Variants in MACROD2 observed in about 807,000 individuals in gnomAD.
MACROD2 encodes mono-ADP ribosylhydrolase 2, also known as ADP-ribose glycohydrolase MACROD2.
A neutral mutation model predicts 70.4 loss-of-function variants in MACROD2; 36 were observed. The observed-to-expected ratio is 0.51, with a 90% CI of 0.39 to 0.68. The LOEUF (loss-of-function observed/expected upper bound fraction) is 0.68, where lower values mean the gene tolerates loss of function less well. Among genes scored for constraint, MACROD2 ranks in the 30% least tolerant of loss-of-function variants. The probability of loss-of-function intolerance (pLI) is 0.00; values close to 1 mark genes in which losing one functional copy is unlikely to be tolerated. For missense variants in MACROD2, 496 were observed against 538.4 expected (o/e 0.92, Z 0.78); for synonymous variants, 172 against 178.8 (o/e 0.96, Z 0.30).
At chr20:14,200,361 T>TCTGATA (rs2081469082) in intron 3 of MACROD2, among the ~76,000 whole-genome samples, 2 of 151,944 alleles carry the variant, frequency 1.3e-5, no homozygotes, top group Admixed American at 1.3e-4. Context: ...CAACACACAC[T>TCTGATA]GGGGCCTATC....
chr20:14,873,495 A>G (rs918782968), intron 5 of MACROD2, among the ~76,000 whole-genome samples: 4 of 152,180 alleles, frequency 2.6e-5, no homozygotes, highest in South Asian at 4.1e-4. Flanking sequence ...GGAATGCTCC[A>G]GACTCAGATG....
At chr20:15,213,865 C>T (rs1429844790) in intron 5 of MACROD2, among the ~76,000 whole-genome samples, 1 of 151,972 alleles carries the variant, frequency 6.6e-6, no homozygotes, top group Admixed American at 6.6e-5. Flanking sequence ...CTCTTTCTAT[C>T]ACAAGAGAAT....
At chr20:14,891,472 G>A (rs1014070427) in intron 5 of MACROD2, among the ~76,000 whole-genome samples, 10 of 152,118 alleles carry the variant, frequency 6.6e-5, no homozygotes, top group African/African-American at 2.4e-4. Flanking sequence ...TCCCTAACAA[G>A]ATAATAAATT....
Position 16,007,794 on chromosome 20 carries a change from A to G in MACROD2, c.1153+20636A>G, listed in dbSNP as rs561551145. ...TTCCACCCTACCCTTTTCCCCTCTG[A>G]GCTGCTCTGAGGGGCTGTGGCTAAC... On this transcript the variant is annotated intron_variant, in intron 15 of 17. Coordinates refer to ENST00000684519, the MANE Select transcript of MACROD2 (RefSeq NM_001351661.2). Among the ~76,000 whole-genome samples, 4 of 152,162 alleles carry G rather than the reference A, an allele frequency of 2.6e-5. No individual in the cohort carries two copies. In the South Asian group the frequency reaches 6.2e-4, roughly 24 times the overall value.
chr20:14,834,896 T>G (rs440929), intron 5 of MACROD2, among the ~76,000 whole-genome samples: 14,625 of 151,940 alleles, frequency 0.096, 971 homozygotes, highest in Non-Finnish European at 0.14. Context: ...GTATAGTCTA[T>G]ACAGATTGAC....
At chr20:14,147,564 C>T (rs2054957971) in intron 3 of MACROD2, among the ~76,000 whole-genome samples, 1 of 152,086 alleles carries the variant, frequency 6.6e-6, no homozygotes, top group Admixed American at 6.6e-5. Context: ...ATTACTTGAC[C>T]TCAGGTAGTT....
At chr20:15,504,414 G>A (rs1033160908) in intron 8 of MACROD2, among the ~76,000 whole-genome samples, 1 of 152,036 alleles carries the variant, frequency 6.6e-6, no homozygotes, top group Admixed American at 6.6e-5. Flanking sequence ...CTGTAATTGA[G>A]GCACAAAAAT....
intron 5 of MACROD2, among the ~76,000 whole-genome samples, chr20:15,132,201 A>G (rs909817078): frequency 2.0e-5 from 3 of 152,062 alleles, no homozygotes; most frequent in South Asian, 2.1e-4. Context: ...TCTAAATAAC[A>G]TATCTAAAAT....
chr20:15,526,722 G>A (rs936797972), intron 8 of MACROD2, among the ~76,000 whole-genome samples: 12 of 152,252 alleles, frequency 7.9e-5, no homozygotes, highest in African/African-American at 2.6e-4. Flanking sequence ...ACCATATTGG[G>A]CGTGTGGGGG....
intron 8 of MACROD2, among the ~76,000 whole-genome samples, chr20:15,607,263 G>A (rs1403655571): frequency 6.6e-6 from 1 of 152,188 alleles, no homozygotes; most frequent in East Asian, 1.9e-4. Flanking sequence ...TATCCCCATT[G>A]CCTTCTGACA....
chr20:15,693,067 G>A (rs6110740), intron 8 of MACROD2, among the ~76,000 whole-genome samples: 1 of 152,038 alleles, frequency 6.6e-6, no homozygotes, highest in African/African-American at 2.4e-5. Flanking sequence ...AGTTTCCTGA[G>A]GCCTTCCAAT....
chr20:14,666,609 T>C (rs2070739199), intron 4 of MACROD2, among the ~76,000 whole-genome samples: 1 of 152,086 alleles, frequency 6.6e-6, no homozygotes, highest in Non-Finnish European at 1.5e-5. Flanking sequence ...AGAGATTTCA[T>C]ACAAGTGACA....
At chr20:14,098,418 A>C (rs1335939460) in intron 3 of MACROD2, among the ~76,000 whole-genome samples, 1 of 152,188 alleles carries the variant, frequency 6.6e-6, no homozygotes, top group Admixed American at 6.5e-5. Flanking sequence ...GTACGTTAAC[A>C]ATGTGTTTTT....
At chr20:15,736,987 G>C (rs1272779172) in intron 8 of MACROD2, among the ~76,000 whole-genome samples, 1 of 152,192 alleles carries the variant, frequency 6.6e-6, no homozygotes, top group Non-Finnish European at 1.5e-5. Context: ...TAAATAACCA[G>C]AGTTTTAATA....
rs977585499 is a variant in MACROD2 at position 15,230,114 on chromosome 20, A to G, written c.540+53A>G. On this transcript the variant is annotated intron_variant, in intron 6 of 17. Transcript: ENST00000684519. ...CACTCTTTTTCAACCTTTATGCTTT[A>G]GTAATCTGTCTTGTCTAAAGAGAGG... is the stretch of plus-strand genomic sequence containing the variant. 3.8e-6 allele frequency: 6 copies of G among 1,559,876 alleles called. No individual in the cohort carries two copies. In the African/African-American group the frequency reaches 8.1e-5, roughly 21 times the overall value.
At chr20:15,490,994 T>C (rs1279191309) in intron 7 of MACROD2, among the ~76,000 whole-genome samples, 2 of 152,222 alleles carry the variant, frequency 1.3e-5, no homozygotes, top group East Asian at 3.9e-4. Context: ...TCTTCCTTTT[T>C]CTTTTCTCTT....
At chr20:14,293,473 A>G (rs576545614) in intron 3 of MACROD2, among the ~76,000 whole-genome samples, 2 of 151,902 alleles carry the variant, frequency 1.3e-5, no homozygotes, top group South Asian at 4.2e-4. Flanking sequence ...GACCTTAATG[A>G]CGAGAAGGAG....
chr20:15,366,618 A>G (rs374374346), intron 6 of MACROD2, among the ~76,000 whole-genome samples: 16 of 151,718 alleles, frequency 1.1e-4, no homozygotes, highest in African/African-American at 2.7e-4. Context: ...TGGTGCAATC[A>G]TAGCTCACTG....
At chr20:15,932,899 G>A (rs991436050) in intron 10 of MACROD2, among the ~76,000 whole-genome samples, 4 of 152,144 alleles carry the variant, frequency 2.6e-5, no homozygotes, top group Admixed American at 6.5e-5. Flanking sequence ...AATAAAGGGC[G>A]AGAAACTTAG....
Sources: gnomAD v4.1 joint callset for allele counts (sites outside exome capture counted in the v4.1 genomes callset) on GRCh38, gnomAD v4.1.1 for gene constraint, MANE v1.5 for transcripts, NCBI Gene and HGNC (gene_info 2026-07-23, HGNC 2026-07-21) for gene names.